NAALADL2: variants seen among roughly 807,000 people sequenced by gnomAD.
NAALADL2 encodes the protein N-acetylated alpha-linked acidic dipeptidase like 2.
Under a neutral mutation model 87.2 loss-of-function variants are expected in NAALADL2, and 76 were observed. The observed-to-expected ratio is 0.87, with a 90% CI of 0.72 to 1.05. The LOEUF (loss-of-function observed/expected upper bound fraction) is 1.05, where lower values mean the gene tolerates loss of function less well. NAALADL2 is among the 50% of genes least tolerant of loss of function. NAALADL2 has a pLI of 0.00. For missense variants in NAALADL2, 1,089 were observed against 945.8 expected (o/e 1.15, Z -1.99); for synonymous variants, 354 against 331.0 (o/e 1.07, Z -0.75).
At chr3:175,473,314 G>A (rs1725168065) in intron 9 of NAALADL2, among the ~76,000 whole-genome samples, 1 of 152,020 alleles carries the variant, frequency 6.6e-6, no homozygotes, top group Non-Finnish European at 1.5e-5. Context: ...CTTTTTGGAA[G>A]AGGAATCTTT....
At chr3:174,530,509 G>A (rs1214109243) in intron 1 of NAALADL2, among the ~76,000 whole-genome samples, 1 of 152,122 alleles carries the variant, frequency 6.6e-6, no homozygotes, top group Non-Finnish European at 1.5e-5. Flanking sequence ...TACTGTGTTA[G>A]TCCGTTTTCA....
chr3:174,671,337 C>T (rs1726513730), intron 2 of NAALADL2, among the ~76,000 whole-genome samples: 1 of 152,050 alleles, frequency 6.6e-6, no homozygotes, highest in Non-Finnish European at 1.5e-5. Flanking sequence ...TATCTCTTGG[C>T]AATGTCCATT....
chr3:175,198,852 A>C (rs1739389349), intron 2 of NAALADL2, among the ~76,000 whole-genome samples: 1 of 151,958 alleles, frequency 6.6e-6, no homozygotes, highest in Non-Finnish European at 1.5e-5. Flanking sequence ...ATGTAAAATA[A>C]ATACAGTGAG....
Position 175,737,387 on chromosome 3 carries a change from A to T in NAALADL2, c.1978A>T (p.Asn660Tyr). The change falls in exon 12 of 14, where the codon AAC becomes TAC. Residue 660 changes from asparagine (N) to tyrosine (Y), a missense_variant. Coordinates refer to ENST00000454872, the MANE Select transcript of NAALADL2 (RefSeq NM_207015.3). ...ACTTGATATAGCTTTAGAAGTTCAAAACAACCTTAAAGGTAATTTTCCTTT... is the reference window on the plus strand; with the variant it reads ...ACTTGATATAGCTTTAGAAGTTCAATACAACCTTAAAGGTAATTTTCCTTT... The part of the protein sequence containing the change: ...NALDIALEVQ[N>Y]NLKGDQPNTH... 1.9e-6 allele frequency: 3 copies of T among 1,595,924 alleles called. No homozygotes were observed. The highest frequency in any genetic ancestry group is 2.6e-6 in the Non-Finnish European group (3 of 1,164,526).
At chr3:175,615,107 G>C (rs1456856550) in intron 10 of NAALADL2, among the ~76,000 whole-genome samples, 1 of 152,104 alleles carries the variant, frequency 6.6e-6, no homozygotes, top group Non-Finnish European at 1.5e-5. Context: ...TCTTTGATTA[G>C]AATATATTTA....
rs765485400 is a variant in NAALADL2 at position 175,374,553 on chromosome 3, GAAAAAAAAAAAAAAAAA to G, written c.1090+50244_1090+50260del. Among the ~76,000 whole-genome samples the G allele has an allele frequency of 9.2e-4, 42 of 45,412 alleles. No homozygotes were observed. The South Asian group carries it at 0.019, about 21-fold the overall frequency. 29.8% of individuals were successfully genotyped at this position (45,412 alleles called of 152,430 possible). A position where few individuals can be genotyped will look rare whatever the true frequency, so the allele number is the denominator to read the frequency against. On this transcript the variant is annotated intron_variant, in intron 5 of 13. Transcript: ENST00000454872. The stretch of plus-strand genomic sequence containing the variant: ...AGTGCTGAGTACCACTGCATCTCCA[GAAAAAAAAAAAAAAAAA>G]AAAAAAAAAAAAAAAGAAAGTTATA...
At chr3:174,795,794 A>G (rs1718012184) in intron 3 of NAALADL2, among the ~76,000 whole-genome samples, 1 of 152,158 alleles carries the variant, frequency 6.6e-6, no homozygotes, top group Non-Finnish European at 1.5e-5. Flanking sequence ...TTGATATTTG[A>G]GCATTTTATG....
At chr3:175,563,882 T>G (rs1313398777) in intron 9 of NAALADL2, among the ~76,000 whole-genome samples, 1 of 152,122 alleles carries the variant, frequency 6.6e-6, no homozygotes, top group African/African-American at 2.4e-5. Flanking sequence ...GCTCCTTGAA[T>G]ACAATGGTGT....
intron 11 of NAALADL2, among the ~76,000 whole-genome samples, chr3:175,666,196 A>G (rs1732969265): frequency 6.6e-6 from 1 of 152,074 alleles, no homozygotes; most frequent in Non-Finnish European, 1.5e-5. Flanking sequence ...TATGGCATTA[A>G]GTAGGGCATC....
chr3:175,111,061 G>A (rs1724108086), intron 2 of NAALADL2, among the ~76,000 whole-genome samples: 1 of 151,628 alleles, frequency 6.6e-6, no homozygotes, highest in African/African-American at 2.4e-5. Context: ...GTAAGCTAAT[G>A]GGAGAAAGAG....
At chr3:174,898,848 A>C (rs2109846670) in intron 1 of NAALADL2, among the ~76,000 whole-genome samples, 1 of 152,244 alleles carries the variant, frequency 6.6e-6, no homozygotes, top group South Asian at 2.1e-4. Context: ...TTTGTGGAGG[A>C]AGAAGTAGTG....
At chr3:175,006,479 C>T (rs1161347815) in intron 1 of NAALADL2, among the ~76,000 whole-genome samples, 1 of 152,108 alleles carries the variant, frequency 6.6e-6, no homozygotes, top group African/African-American at 2.4e-5. Context: ...GTGTGTCTTT[C>T]TGTCAAAGTT....
intron 2 of NAALADL2, among the ~76,000 whole-genome samples, chr3:175,227,053 A>G (rs1017506032): frequency 1.3e-5 from 2 of 152,098 alleles, no homozygotes; most frequent in South Asian, 2.1e-4. Flanking sequence ...GAGTATCTGC[A>G]TATGTTATTG....
chr3:174,928,546 T>A (rs1736427156), intron 1 of NAALADL2, among the ~76,000 whole-genome samples: 1 of 152,116 alleles, frequency 6.6e-6, no homozygotes, highest in South Asian at 2.1e-4. Flanking sequence ...TGCCCTTATG[T>A]GATATTTGTA....
intron 3 of NAALADL2, among the ~76,000 whole-genome samples, chr3:174,827,425 GC>G (rs1722124006): frequency 6.6e-6 from 1 of 152,064 alleles, no homozygotes; most frequent in African/African-American, 2.4e-5. Flanking sequence ...ACATTTACTG[GC>G]TTGTGGCCTC....
At chr3:174,850,426 G>GA (rs1213745647) in intron 3 of NAALADL2, among the ~76,000 whole-genome samples, 5 of 152,044 alleles carry the variant, frequency 3.3e-5, no homozygotes, top group African/African-American at 4.8e-5. Flanking sequence ...TGAAGGGATA[G>GA]AAAATATATT....
chr3:175,498,724 G>C (rs1308194073), intron 9 of NAALADL2, among the ~76,000 whole-genome samples: 1 of 151,876 alleles, frequency 6.6e-6, no homozygotes, highest in African/African-American at 2.4e-5. Flanking sequence ...CATTTTAGGG[G>C]CAGTATTTAA....
chr3:175,629,672 G>T (rs559105703), intron 11 of NAALADL2, among the ~76,000 whole-genome samples: 8 of 151,546 alleles, frequency 5.3e-5, no homozygotes, highest in Non-Finnish European at 1.0e-4. Context: ...CAATTAAGAG[G>T]TATAAACATA....
At chr3:175,184,339 A>T (rs903467924) in intron 2 of NAALADL2, among the ~76,000 whole-genome samples, 1 of 152,166 alleles carries the variant, frequency 6.6e-6, no homozygotes. Context: ...TAAATATAAG[A>T]TAGGGATATT....
Sources: gnomAD v4.1 joint callset for allele counts (sites outside exome capture counted in the v4.1 genomes callset) on GRCh38, gnomAD v4.1.1 for gene constraint, MANE v1.5 for transcripts, NCBI Gene and HGNC (gene_info 2026-07-23, HGNC 2026-07-21) for gene names.